Variants in ROBO1 observed in about 807,000 individuals in gnomAD.
ROBO1 encodes roundabout homolog 1.
A neutral mutation model predicts 195.9 loss-of-function variants in ROBO1; 149 were observed. That is an observed-to-expected ratio of 0.76 (90% CI 0.67 to 0.87). The LOEUF is 0.87. ROBO1 is among the 40% of genes least tolerant of loss of function. ROBO1 has a pLI of 0.00. For synonymous variants in ROBO1, 816 were observed against 733.2 expected (o/e 1.11, Z -1.82); for missense variants, 1,933 against 2,068.3 (o/e 0.93, Z 1.27).
chr3:78,660,878 A>C (rs1390684357), intron 16 of ROBO1, 152 bp downstream of exon 16: 2 of 625,906 alleles, frequency 3.2e-6, no homozygotes, highest in South Asian at 5.5e-5. Flanking sequence ...TAGTTTTCTA[A>C]ATAAACAAAT....
At position 79,252,972 on chromosome 3, in the gene ROBO1, C is replaced by T. The variant is rs116416740; in HGVS notation, c.89-127433G>A. On this transcript the variant is annotated intron_variant, in intron 2 of 30. Coordinates refer to ENST00000464233, the MANE Select transcript of ROBO1 (RefSeq NM_002941.4). ...CATAAAACTGGCCTACATGAATCAG[C>T]TGGCCTTACCAGTGTGACCTAACTT... is the stretch of plus-strand genomic sequence containing the variant. Among the ~76,000 whole-genome samples, 563 of 152,208 alleles carry T rather than the reference C, an allele frequency of 3.7e-3. 5 individuals carry two copies. Among genetic ancestry groups the T allele is most frequent in the African/African-American group, 0.013 (524 of 41,546 alleles).
intron 2 of ROBO1, among the ~76,000 whole-genome samples, chr3:79,353,400 AACACAC>A (rs10608740): frequency 9.7e-4 from 144 of 148,192 alleles, no homozygotes; most frequent in South Asian, 2.8e-3. Context: ...CACAGAAACA[AACACAC>A]ACACACACAC....
chr3:79,675,354 C>G (rs1259980667), intron 1 of ROBO1, among the ~76,000 whole-genome samples: 1 of 151,978 alleles, frequency 6.6e-6, no homozygotes, highest in Non-Finnish European at 1.5e-5. Flanking sequence ...ATCCAACTCT[C>G]AATTATTCAG....
intron 3 of ROBO1, among the ~76,000 whole-genome samples, chr3:79,024,763 C>T (rs1184597068): frequency 6.6e-6 from 1 of 152,200 alleles, no homozygotes; most frequent in Non-Finnish European, 1.5e-5. Flanking sequence ...CAATACCTTA[C>T]ACCTGAAAAT....
At chr3:79,313,228 G>A (rs1345387305) in intron 2 of ROBO1, among the ~76,000 whole-genome samples, 1 of 151,232 alleles carries the variant, frequency 6.6e-6, no homozygotes, top group East Asian at 1.9e-4. Context: ...AAATGTAGTA[G>A]TTGAAAAAAA....
intron 1 of ROBO1, among the ~76,000 whole-genome samples, chr3:79,627,783 G>A (rs764520695): frequency 2.5e-4 from 38 of 151,960 alleles, no homozygotes; most frequent in Non-Finnish European, 2.9e-4. Flanking sequence ...GCATTTACAA[G>A]GAACTTAAAC....
chr3:78,999,672 C>T (rs1174711102), intron 3 of ROBO1, among the ~76,000 whole-genome samples: 1 of 152,086 alleles, frequency 6.6e-6, no homozygotes, highest in African/African-American at 2.4e-5. Flanking sequence ...AACAAACCTG[C>T]AGATGTACCC....
chr3:79,563,015 A>C (rs1293604310), intron 2 of ROBO1, among the ~76,000 whole-genome samples: 1 of 152,080 alleles, frequency 6.6e-6, no homozygotes, highest in Non-Finnish European at 1.5e-5. Flanking sequence ...TATCCAATTT[A>C]TTTCATCAAT....
intron 3 of ROBO1, among the ~76,000 whole-genome samples, chr3:79,028,296 A>G (rs1356311825): frequency 1.3e-5 from 2 of 151,820 alleles, no homozygotes; most frequent in African/African-American, 2.4e-5. Context: ...GCATATAAAG[A>G]CTTTTTTTTT....
chr3:78,675,551 A>G (rs1708364665), intron 10 of ROBO1, among the ~76,000 whole-genome samples: 1 of 152,106 alleles, frequency 6.6e-6, no homozygotes, highest in Non-Finnish European at 1.5e-5. Context: ...ACACCCACGG[A>G]GTCTCGCTAA....
intron 19 of ROBO1, among the ~76,000 whole-genome samples, chr3:78,650,998 A>T (rs1263484447): frequency 6.6e-6 from 1 of 152,200 alleles, no homozygotes; most frequent in Non-Finnish European, 1.5e-5. Flanking sequence ...AGAATAAAAA[A>T]CACAAAAATA....
chr3:79,393,333 A>T (rs1427028826), intron 2 of ROBO1, among the ~76,000 whole-genome samples: 1 of 152,218 alleles, frequency 6.6e-6, no homozygotes, highest in African/African-American at 2.4e-5. Flanking sequence ...TCAAAGGAGT[A>T]TTCGGTAATT....
At chr3:79,471,733 C>A (rs1427383046) in intron 2 of ROBO1, among the ~76,000 whole-genome samples, 1 of 152,080 alleles carries the variant, frequency 6.6e-6, no homozygotes, top group Non-Finnish European at 1.5e-5. Flanking sequence ...AGCACATATA[C>A]ACCATGGAAT....
intron 2 of ROBO1, among the ~76,000 whole-genome samples, chr3:79,314,361 G>A (rs2033634339): frequency 6.6e-6 from 1 of 152,116 alleles, no homozygotes; most frequent in African/African-American, 2.4e-5. Context: ...ATTGAATCAT[G>A]TGGGAGGTTA....
intron 1 of ROBO1, among the ~76,000 whole-genome samples, chr3:79,758,200 G>T (rs1419343911): frequency 6.6e-6 from 1 of 152,118 alleles, no homozygotes; most frequent in African/African-American, 2.4e-5. Flanking sequence ...CTGTCCAATA[G>T]AACTTTCTCT....
chr3:79,056,294 C>A (rs1393342319), intron 3 of ROBO1, among the ~76,000 whole-genome samples: 2 of 152,092 alleles, frequency 1.3e-5, no homozygotes, highest in Non-Finnish European at 2.9e-5. Context: ...CAAGTGCTTT[C>A]ACCAGTTCGA....
chr3:79,728,973 C>T lies in ROBO1; in HGVS notation c.-51+38779G>A, dbSNP rs114540975. On this transcript the variant is annotated intron_variant, in intron 1 of 30. Transcript: ENST00000464233. ...TTAAATTGGGTAAAATTCTAAAGTACATAAGAAATATATAATCAAATGTTG... is the reference window on the plus strand; with the variant it reads ...TTAAATTGGGTAAAATTCTAAAGTATATAAGAAATATATAATCAAATGTTG... Among the ~76,000 whole-genome samples, 1,431 of 152,060 alleles carry T rather than the reference C, an allele frequency of 9.4e-3. 20 individuals carry two copies. Among genetic ancestry groups the T allele is most frequent in the African/African-American group, 0.031 (1,306 of 41,482 alleles).
chr3:78,746,781 C>A lies in ROBO1; in HGVS notation c.619G>T (p.Asp207Tyr). 6.3e-7 allele frequency: 1 copy of A among 1,577,110 alleles called. No homozygotes were observed. Residue 207 changes from aspartate to tyrosine, a missense_variant, in exon 5 of 31, where the codon GAT (aspartate) becomes TAT (tyrosine). By Grantham distance (160) the Asp-to-Tyr change is radical. Coordinates refer to ENST00000464233, the MANE Select transcript of ROBO1 (RefSeq NM_002941.4). ...TCTTTATCATCCAGTGGAGAGCCAT[C>A]TTTCTTCCATGAAATGGTGGGCTCA... ...HPEPTISWKK[D>Y]GSPLDDKDER...
intron 4 of ROBO1, among the ~76,000 whole-genome samples, chr3:78,915,284 C>T (rs1465168913): frequency 6.6e-6 from 1 of 152,106 alleles, no homozygotes; most frequent in Non-Finnish European, 1.5e-5. Context: ...TTTCCTAATT[C>T]TGAAAATATT....
Sources: gnomAD v4.1 joint callset for allele counts (sites outside exome capture counted in the v4.1 genomes callset) on GRCh38, gnomAD v4.1.1 for gene constraint, MANE v1.5 for transcripts, NCBI Gene and HGNC (gene_info 2026-07-23, HGNC 2026-07-21) for gene names.